Variants in DSTYK observed in about 807,000 individuals in gnomAD.
DSTYK encodes RIP-homologous kinase.
DSTYK carries 34 observed loss-of-function variants against 98.7 expected under a neutral mutation model. The ratio of observed to expected loss-of-function variants is 0.34; its 90% confidence interval spans 0.26 to 0.46. DSTYK has a LOEUF of 0.46. Ranked by LOEUF, DSTYK falls within the 20% of genes least tolerant of loss-of-function variation. The pLI, the probability that DSTYK is intolerant of heterozygous loss-of-function variation, is 1.00. For missense variants in DSTYK, 962 were observed against 1,181.7 expected, an observed-to-expected ratio of 0.81 and a Z score of 2.73; for synonymous variants, 462 against 457.3, an observed-to-expected ratio of 1.01 and a Z score of -0.13.
chr1:205,193,900 C>G (rs1474658003), intron 1 of DSTYK, among the ~76,000 whole-genome samples: 1 of 150,018 alleles, frequency 6.7e-6, no homozygotes, highest in Non-Finnish European at 1.5e-5. Context: ...AACTAACTAG[C>G]AATCCTCTTC....
intron 3 of DSTYK, among the ~76,000 whole-genome samples, chr1:205,166,433 G>A (rs1010512410): frequency 3.3e-5 from 5 of 150,098 alleles, no homozygotes; most frequent in Non-Finnish European, 5.9e-5. Flanking sequence ...CAGGAGGATC[G>A]CTACAAGCCT....
intron 2 of DSTYK, among the ~76,000 whole-genome samples, chr1:205,176,468 C>A (rs1377476255): frequency 1.2e-5 from 1 of 81,394 alleles, no homozygotes; most frequent in African/African-American, 4.8e-5. Context: ...AAGAGTGAAA[C>A]TCCCTCTTAA....
chr1:205,142,538 C>T lies in DSTYK; in HGVS notation c.*5020G>A, dbSNP rs962774018. The T allele has an allele frequency of 6.6e-6, 1 of 152,234 alleles. No homozygotes were observed. Among genetic ancestry groups the T allele is most frequent in the Non-Finnish European group, 1.5e-5 (1 of 68,044 alleles). 9.4% of individuals were successfully genotyped at this position (152,234 alleles called of 1,614,324 possible). A position where few individuals can be genotyped will look rare whatever the true frequency, so the allele number is the denominator to read the frequency against. On this transcript the variant is annotated 3_prime_UTR_variant, in exon 13 of 13. Coordinates refer to ENST00000367162, the MANE Select transcript of DSTYK (RefSeq NM_015375.3). ...ATGTGATCTTTATTATACAGCACAT[C>T]TGGTATTTGTGTATCCCAACAAGTA...
chr1:205,154,240 C>T (rs528610115), intron 10 of DSTYK, among the ~76,000 whole-genome samples: 2 of 152,182 alleles, frequency 1.3e-5, no homozygotes, highest in African/African-American at 2.4e-5. Flanking sequence ...TCAGCTAGGT[C>T]TATGATGAAA....
At chr1:205,202,280 T>C (rs1425895060) in intron 1 of DSTYK, 3 of 640,706 alleles carry the variant, frequency 4.7e-6, no homozygotes, top group South Asian at 2.7e-5. Context: ...AGAATACTCA[T>C]GACACTTCTC....
chr1:205,181,870 C>T (rs904255668), intron 2 of DSTYK, among the ~76,000 whole-genome samples: 1 of 151,780 alleles, frequency 6.6e-6, no homozygotes, highest in Non-Finnish European at 1.5e-5. Context: ...GACGAGGTCT[C>T]ACTTTGTTGC....
Position 205,163,741 on chromosome 1 carries a change from G to C in DSTYK, c.1539C>G (p.Thr513=). ...TGTCTACCTGTTTGAGATAATTACT[G>C]GTGATGTGAACTGAGACATCCTGAG... ...EKSQDVSVHI[T]SNYLKQILNA... Residue 513 remains threonine (T), a synonymous_variant, in exon 4 of 13, where the codon ACC becomes ACG. Coordinates refer to ENST00000367162, the MANE Select transcript of DSTYK (RefSeq NM_015375.3). The C allele has an allele frequency of 6.2e-7, 1 of 1,613,794 alleles. No individual in the cohort carries two copies. The highest frequency in any genetic ancestry group is 8.5e-7 in the Non-Finnish European group (1 of 1,179,814).
chr1:205,171,030 G>GAAA (rs34037566), intron 2 of DSTYK, among the ~76,000 whole-genome samples: 187 of 143,616 alleles, frequency 1.3e-3, no homozygotes, highest in Admixed American at 3.7e-3. Context: ...TTCATGTAAG[G>GAAA]AAAAAAAAAA....
Position 205,147,533 on chromosome 1 carries a change from G to C in DSTYK, c.*25C>G, listed in dbSNP as rs777109171. 3 of 1,594,094 alleles carry C rather than the reference G, an allele frequency of 1.9e-6. No homozygotes were observed. The highest frequency in any genetic ancestry group is 1.3e-5 in the African/African-American group (1 of 74,562). On this transcript the variant is annotated 3_prime_UTR_variant, in exon 13 of 13. Transcript: ENST00000367162. ...GGTGAGGGGGAAGGAAATAACTAGA[G>C]AGTGAAAGAGAAAGGTCTTTGCTTT... is the stretch of plus-strand genomic sequence containing the variant.
In DSTYK at chr1:205,207,543, G is replaced by A. The variant is rs1257498879; in HGVS notation, c.265+3728C>T. On this transcript the variant is annotated intron_variant, in intron 1 of 12. Transcript: ENST00000367162. ...AGGCAGGCAGATCGCTTGAGGTCAGGAGTTTGAGACCAGCCTGGCCAACAC... is the reference window on the plus strand; with the variant it reads ...AGGCAGGCAGATCGCTTGAGGTCAGAAGTTTGAGACCAGCCTGGCCAACAC... 5.3e-5 allele frequency among the ~76,000 whole-genome samples: 8 copies of A among 149,812 alleles called. No individual in the cohort carries two copies. The East Asian group carries it at 1.5e-3, about 28-fold the overall frequency.
In DSTYK at chr1:205,211,510, C is replaced by T. The variant is rs1427529910; in HGVS notation, c.26G>A (p.Gly9Asp). MEGDGVPW[G>D]SEPVSGPGPG... is the part of the protein sequence containing the mutation. ...GCCGGGACCCGAGACGGGCTCGCTGCCCCATGGCACCCCGTCGCCCTCCAT... is the reference window on the plus strand; with the variant it reads ...GCCGGGACCCGAGACGGGCTCGCTGTCCCATGGCACCCCGTCGCCCTCCAT... Residue 9 changes from glycine (G) to aspartate (D), a missense_variant, in exon 1 of 13, where the codon GGC (glycine) becomes GAC (aspartate). Gly to Asp is a moderately conservative substitution (Grantham distance 94). This residue lies in a region of DSTYK where 168 missense variants were observed against 120.0 expected (regional missense o/e 1.40). Transcript: ENST00000367162. 1.9e-6 allele frequency: 3 copies of T among 1,559,600 alleles called. No individual in the cohort carries two copies. The highest frequency in any genetic ancestry group is 2.4e-5 in the South Asian group (2 of 84,766).
intron 2 of DSTYK, among the ~76,000 whole-genome samples, chr1:205,176,099 T>G (rs1190965174): frequency 6.6e-6 from 1 of 152,158 alleles, no homozygotes. Flanking sequence ...CCTAAAGAGA[T>G]TTCTCTTGTA....
intron 1 of DSTYK, among the ~76,000 whole-genome samples, chr1:205,206,353 C>T (rs1185830282): frequency 2.6e-5 from 4 of 151,702 alleles, no homozygotes; most frequent in Middle Eastern, 3.4e-3. Flanking sequence ...AATCTCGGCT[C>T]ACCAAAACCT....
chr1:205,181,903 A>G (rs1658417718), intron 2 of DSTYK, among the ~76,000 whole-genome samples: 1 of 152,052 alleles, frequency 6.6e-6, no homozygotes, highest in Non-Finnish European at 1.5e-5. Flanking sequence ...TGAAATGCCA[A>G]TACCTAGACA....
chr1:205,187,981 G>C (rs574726917), intron 1 of DSTYK, among the ~76,000 whole-genome samples, 175 bp from the exon 2 acceptor site: 4 of 152,108 alleles, frequency 2.6e-5, no homozygotes, highest in Non-Finnish European at 4.4e-5. Context: ...GTGAGAAAAA[G>C]CTCTTCACAT....
intron 1 of DSTYK, chr1:205,202,511 A>C: frequency 1.2e-6 from 1 of 866,392 alleles, no homozygotes; most frequent in Non-Finnish European, 1.9e-6. Context: ...AAGGGTTTAG[A>C]TGTAGATTCT....
chr1:205,156,478 C>T (rs1408233911), intron 10 of DSTYK, among the ~76,000 whole-genome samples: 1 of 152,182 alleles, frequency 6.6e-6, no homozygotes, highest in Non-Finnish European at 1.5e-5. Flanking sequence ...TTTGGAACTG[C>T]AGGGTTTAAT....
intron 8 of DSTYK, 198 bp from the exon 9 acceptor site, chr1:205,159,877 C>T (rs1657667170): frequency 2.5e-6 from 2 of 792,340 alleles, no homozygotes; most frequent in Admixed American, 5.8e-5. Flanking sequence ...ATTCTAAAAA[C>T]TGATAAGGCT....
At position 205,211,458 on chromosome 1, in the gene DSTYK, C is replaced by T. The variant is rs1291955320; in HGVS notation, c.78G>A (p.Glu26=). ...GGTAGCGGCCGAAGCCCCGGCACAGCTCGCGGATCATTCCGCCGCCGCCGG... is the reference window on the plus strand; with the variant it reads ...GGTAGCGGCCGAAGCCCCGGCACAGTTCGCGGATCATTCCGCCGCCGCCGG... ...PGPGGGGMIR[E]LCRGFGRYRR... Residue 26 remains glutamate, a synonymous_variant, in exon 1 of 13, where the codon GAG becomes GAA. Transcript: ENST00000367162. 6.3e-7 allele frequency: 1 copy of T among 1,595,988 alleles called. No individual in the cohort carries two copies. Among genetic ancestry groups the T allele is most frequent in the Non-Finnish European group, 8.5e-7 (1 of 1,174,568 alleles).
Sources: gnomAD v4.1 joint callset for allele counts (sites outside exome capture counted in the v4.1 genomes callset) on GRCh38, gnomAD v4.1.1 for gene constraint, gnomAD v4.1.1 regional missense constraint, MANE v1.5 for transcripts, NCBI Gene and HGNC (gene_info 2026-07-23, HGNC 2026-07-21) for gene names.